The following PTAR1 variants were observed in gnomAD, a reference collection of about 807,000 sequenced individuals.
PTAR1 encodes the protein protein prenyltransferase alpha subunit repeat containing 1.
Under a neutral mutation model 45.5 loss-of-function variants are expected in PTAR1, and 17 were observed. That is an observed-to-expected ratio of 0.37 (90% CI 0.26 to 0.56). The LOEUF (loss-of-function observed/expected upper bound fraction) is 0.56. Ranked by LOEUF, PTAR1 falls within the 20% of genes least tolerant of loss-of-function variation. The probability of loss-of-function intolerance (pLI) is 0.77; values close to 1 mark genes in which losing one functional copy is unlikely to be tolerated. For missense variants in PTAR1, 391 were observed against 476.3 expected (o/e 0.82, Z 1.67); for synonymous variants, 169 against 171.3 (o/e 0.99, Z 0.11).
intron 3 of PTAR1, among the ~76,000 whole-genome samples, chr9:69,740,654 G>GAA (rs11298970): frequency 2.7e-4 from 39 of 143,116 alleles, no homozygotes; most frequent in African/African-American, 1.0e-3. Context: ...AAACAAAGGG[G>GAA]AAAAAAAAAA....
intron 5 of PTAR1, among the ~76,000 whole-genome samples, chr9:69,731,012 T>C (rs568746693): frequency 2.6e-4 from 39 of 152,252 alleles, no homozygotes; most frequent in African/African-American, 9.1e-4. Context: ...ATATAGGTAG[T>C]GGGGCCAAAA....
In PTAR1 at chr9:69,732,255, G is replaced by T; in HGVS notation, c.526C>A (p.Leu176Ile). Reference protein sequence around the residue: ...GTIPTERAQRLIQEEMEVCGE... With the variant: ...GTIPTERAQRIIQEEMEVCGE... Reference sequence around the variant, plus strand: ...CAGACCTCCATCTCTTCTTGTATGAGTCGCTGTGCCCTTTCTGTGGGAATT... The same window carrying T: ...CAGACCTCCATCTCTTCTTGTATGATTCGCTGTGCCCTTTCTGTGGGAATT... The change falls in exon 5 of 8, where the codon CTC (leucine) becomes ATC (isoleucine). Residue 176 changes from leucine to isoleucine, a missense_variant. By Grantham distance (5) the Leu-to-Ile change is conservative. Coordinates refer to ENST00000340434, the MANE Select transcript of PTAR1 (RefSeq NM_001099666.2). 2 of 1,613,808 alleles carry T rather than the reference G, an allele frequency of 1.2e-6. No individual in the cohort carries two copies. Among genetic ancestry groups the T allele is most frequent in the Non-Finnish European group, 1.7e-6 (2 of 1,179,760 alleles).
At chr9:69,726,536 GATAT>G (rs1486170258) in intron 5 of PTAR1, among the ~76,000 whole-genome samples, 2 of 151,962 alleles carry the variant, frequency 1.3e-5, no homozygotes, top group African/African-American at 4.8e-5. Context: ...TAAAGTTCTT[GATAT>G]ATAAAGTGTC....
intron 4 of PTAR1, 32 bp from the exon 5 acceptor site, chr9:69,732,384 A>G: frequency 6.9e-7 from 1 of 1,457,738 alleles, no homozygotes; most frequent in Middle Eastern, 1.7e-4. Context: ...AAGAGAACAC[A>G]GAAAGAACAT....
intron 2 of PTAR1, among the ~76,000 whole-genome samples, chr9:69,742,668 G>C (rs1826092418): frequency 6.6e-6 from 1 of 151,968 alleles, no homozygotes; most frequent in Admixed American, 6.6e-5. Flanking sequence ...CTTTAAAATA[G>C]ACTGTATCTA....
chr9:69,747,592 C>T (rs942508446), intron 2 of PTAR1, among the ~76,000 whole-genome samples: 22 of 152,106 alleles, frequency 1.4e-4, no homozygotes, highest in African/African-American at 5.1e-4. Flanking sequence ...AACACTCTGC[C>T]GCAGTGTCTC....
intron 3 of PTAR1, among the ~76,000 whole-genome samples, chr9:69,734,927 T>C (rs1825715996): frequency 1.3e-5 from 2 of 152,334 alleles, no homozygotes; most frequent in South Asian, 2.1e-4. Flanking sequence ...TTAGTTTTCA[T>C]TTAGAAGCTA....
chr9:69,726,770 T>G (rs114257307), intron 5 of PTAR1, among the ~76,000 whole-genome samples: 105 of 152,180 alleles, frequency 6.9e-4, no homozygotes, highest in African/African-American at 2.5e-3. Context: ...ATTCTCTACT[T>G]TTATGAATTA....
At chr9:69,732,797 A>G (rs1160314372) in intron 4 of PTAR1, among the ~76,000 whole-genome samples, 1 of 152,190 alleles carries the variant, frequency 6.6e-6, no homozygotes, top group Admixed American at 6.6e-5. Flanking sequence ...TTTGCAAACA[A>G]GAAGCTGCAT....
intron 1 of PTAR1, among the ~76,000 whole-genome samples, chr9:69,752,297 G>C (rs906338795): frequency 1.3e-5 from 2 of 151,886 alleles, no homozygotes; most frequent in Non-Finnish European, 2.9e-5. Context: ...TCTTTTTGTT[G>C]GGCCACTATC....
chr9:69,716,360 T>A lies in PTAR1; in HGVS notation c.*1982A>T, dbSNP rs868395462. 3 of 152,122 alleles carry A rather than the reference T, an allele frequency of 2.0e-5. No individual in the cohort carries two copies. Among genetic ancestry groups the A allele is most frequent in the Admixed American group, 6.6e-5 (1 of 15,256 alleles). The allele number at this position is 152,122 out of a possible 1,614,324, so 9.4% of individuals were successfully genotyped here. On this transcript the variant is annotated 3_prime_UTR_variant, in exon 8 of 8. Coordinates refer to ENST00000340434, the MANE Select transcript of PTAR1 (RefSeq NM_001099666.2). ...AATATGCTTTGTACACAAAGGGCCA[T>A]GGAATTATGTTCATAATGGTATTTT...
chr9:69,755,756 T>C (rs1356859509), intron 1 of PTAR1, among the ~76,000 whole-genome samples: 2 of 152,246 alleles, frequency 1.3e-5, no homozygotes, highest in African/African-American at 2.4e-5. Context: ...CCTGGTGATT[T>C]AGATATTTCA....
At chr9:69,737,993 A>G (rs1643083902) in intron 3 of PTAR1, among the ~76,000 whole-genome samples, 1 of 152,168 alleles carries the variant, frequency 6.6e-6, no homozygotes, top group African/African-American at 2.4e-5. Flanking sequence ...ATTTTTATTA[A>G]AAGTCCATAC....
intron 5 of PTAR1, among the ~76,000 whole-genome samples, chr9:69,724,657 T>G (rs1448229187): frequency 6.6e-6 from 1 of 151,570 alleles, no homozygotes; most frequent in African/African-American, 2.4e-5. Context: ...TGAACCCCCA[T>G]AGTACTTATG....
intron 1 of PTAR1, among the ~76,000 whole-genome samples, chr9:69,754,234 G>T (rs999513398): frequency 6.6e-6 from 1 of 152,038 alleles, no homozygotes; most frequent in Non-Finnish European, 1.5e-5. Context: ...GCATTCCTCT[G>T]TCATTTCATC....
chr9:69,755,336 G>A (rs1372060796), intron 1 of PTAR1, among the ~76,000 whole-genome samples: 2 of 152,106 alleles, frequency 1.3e-5, no homozygotes, highest in African/African-American at 4.8e-5. Flanking sequence ...CTTCACAATA[G>A]GGATCCATTC....
rs1373193419 is a variant in PTAR1 at position 69,718,459 on chromosome 9, G to A, written c.1092C>T (p.Ser364=). Residue 364 remains serine, a synonymous_variant, in exon 8 of 8, where the codon TCC becomes TCT. Transcript: ENST00000340434. ...ACCTGTGCTCCATTTCTAGGCCTAG[G>A]GAGTCTGGAACTGGCGTCCGCTTCA... ...KRLKRTPVPD[S]LGLEMEHRFI... is the part of the protein sequence containing the mutation. The A allele has an allele frequency of 6.2e-7, 1 of 1,613,714 alleles. No homozygotes were observed. Among genetic ancestry groups the A allele is most frequent in the South Asian group, 1.1e-5 (1 of 91,066 alleles).
At position 69,750,812 on chromosome 9, in the gene PTAR1, G is replaced by A. The variant is rs1042721971; in HGVS notation, c.225C>T (p.Tyr75=). 6.2e-7 allele frequency: 1 copy of A among 1,610,878 alleles called. No homozygotes were observed. Among genetic ancestry groups the A allele is most frequent in the Non-Finnish European group, 8.5e-7 (1 of 1,178,446 alleles). ...LPYVHNKLLL[Y]RTRKQWLNRD... is the part of the protein sequence containing the mutation. ...TGTTCAGCCATTGCTTTCTTGTTCTGTACAAAAGGAGCTTGTTGTGGACAT... is the reference window on the plus strand; with the variant it reads ...TGTTCAGCCATTGCTTTCTTGTTCTATACAAAAGGAGCTTGTTGTGGACAT... The change falls in exon 2 of 8, where the codon TAC becomes TAT. Residue 75 remains tyrosine, a synonymous_variant. Transcript: ENST00000340434.
chr9:69,753,814 T>C (rs1826640920), intron 1 of PTAR1, among the ~76,000 whole-genome samples: 1 of 152,188 alleles, frequency 6.6e-6, no homozygotes, highest in African/African-American at 2.4e-5. Context: ...TTCTATCCAC[T>C]GACAGGCAAT....
Sources: allele counts gnomAD v4.1 joint callset (sites outside exome capture counted in the v4.1 genomes callset), GRCh38; gene constraint gnomAD v4.1.1; transcripts MANE v1.5; gene names NCBI Gene and HGNC (gene_info 2026-07-23, HGNC 2026-07-21).